The following SGCZ variants were observed in gnomAD, a reference collection of about 807,000 sequenced individuals.
SGCZ encodes zeta-sarcoglycan.
Under a neutral mutation model 41.3 loss-of-function variants are expected in SGCZ, and 40 were observed. The ratio of observed to expected loss-of-function variants is 0.97; its 90% CI spans 0.75 to 1.26. SGCZ has a LOEUF of 1.26. SGCZ is among the 50% of genes most tolerant of loss of function. The pLI, the probability that SGCZ is intolerant of heterozygous loss-of-function variation, is 0.00. For synonymous variants in SGCZ, 206 were observed against 137.5 expected (o/e 1.50, Z -3.49); for missense variants, 552 against 369.8 (o/e 1.49, Z -4.04).
intron 1 of SGCZ, among the ~76,000 whole-genome samples, chr8:14,605,816 C>A (rs1034578069): frequency 1.3e-5 from 2 of 152,062 alleles, no homozygotes; most frequent in African/African-American, 2.4e-5. Context: ...ATACTGGAAT[C>A]TTATGTAGCA....
intron 1 of SGCZ, among the ~76,000 whole-genome samples, chr8:15,149,676 T>G (rs268439): frequency 0.77 from 113,160 of 146,036 alleles, 43,766 homozygotes; most frequent in Middle Eastern, 0.85. Context: ...AGGAAAACAG[T>G]CACCTTTAAC....
chr8:14,673,131 A>G (rs1336476648), intron 1 of SGCZ, among the ~76,000 whole-genome samples: 4 of 152,146 alleles, frequency 2.6e-5, no homozygotes, highest in African/African-American at 9.7e-5. Flanking sequence ...CCATTATCCC[A>G]TCTATACAAC....
rs1425221512 is a variant in SGCZ at position 14,128,986 on chromosome 8, A to T, written c.548-20751T>A. Among the ~76,000 whole-genome samples, 5 of 152,246 alleles carry T rather than the reference A, an allele frequency of 3.3e-5. No individual in the cohort carries two copies. In the East Asian group the frequency reaches 9.7e-4, roughly 29 times the overall value. On this transcript the variant is annotated intron_variant, in intron 5 of 7. Transcript: ENST00000382080. Reference sequence around the variant, plus strand: ...ATCCTACCTATTTGGTACAGTGTACACTTTTTAGGTTATATGAGTACGCTA... The same window carrying T: ...ATCCTACCTATTTGGTACAGTGTACTCTTTTTAGGTTATATGAGTACGCTA...
At chr8:14,414,874 A>G (rs1446639907) in intron 2 of SGCZ, among the ~76,000 whole-genome samples, 1 of 152,004 alleles carries the variant, frequency 6.6e-6, no homozygotes, top group Non-Finnish European at 1.5e-5. Context: ...GGAAGTTTTA[A>G]TGTGAGTGGT....
chr8:14,885,328 G>C (rs1004401580), intron 1 of SGCZ, among the ~76,000 whole-genome samples: 1 of 152,258 alleles, frequency 6.6e-6, no homozygotes, highest in East Asian at 1.9e-4. Context: ...TACGGTTCTG[G>C]TTAGAGTAGT....
intron 1 of SGCZ, among the ~76,000 whole-genome samples, chr8:15,113,772 A>G (rs1807159997): frequency 6.6e-6 from 1 of 152,132 alleles, no homozygotes; most frequent in Non-Finnish European, 1.5e-5. Context: ...CAATCCTCCT[A>G]CAATCTTTTT....
At chr8:14,259,294 T>C (rs963984200) in intron 3 of SGCZ, among the ~76,000 whole-genome samples, 1 of 152,190 alleles carries the variant, frequency 6.6e-6, no homozygotes, top group Non-Finnish European at 1.5e-5. Context: ...AAAAACACTA[T>C]GCAGAAGCTC....
At chr8:15,224,565 G>A (rs1424545293) in intron 1 of SGCZ, among the ~76,000 whole-genome samples, 1 of 151,998 alleles carries the variant, frequency 6.6e-6, no homozygotes, top group Non-Finnish European at 1.5e-5. Flanking sequence ...GAACTAAAAT[G>A]CCAGAAATAA....
chr8:14,439,892 T>C (rs1018616169), intron 2 of SGCZ, among the ~76,000 whole-genome samples: 15 of 152,022 alleles, frequency 9.9e-5, no homozygotes, highest in Non-Finnish European at 1.8e-4. Context: ...CAGTTAACTA[T>C]TCTGTGTCCA....
chr8:15,088,169 C>G (rs1806019739), intron 1 of SGCZ, among the ~76,000 whole-genome samples: 1 of 152,064 alleles, frequency 6.6e-6, no homozygotes, highest in Non-Finnish European at 1.5e-5. Context: ...GGTGTTTGAT[C>G]ATATTATTGA....
At chr8:14,539,457 C>T (rs769512982) in intron 2 of SGCZ, among the ~76,000 whole-genome samples, 6 of 151,810 alleles carry the variant, frequency 4.0e-5, no homozygotes, top group Non-Finnish European at 8.8e-5. Context: ...TTCTGGGCAA[C>T]TTCCAAACAA....
rs143670179 is a variant in SGCZ at position 14,362,277 on chromosome 8, C to G, written c.235-38073G>C. 6.7e-3 allele frequency among the ~76,000 whole-genome samples: 1,026 copies of G among 152,292 alleles called. 27 individuals carry two copies. Among genetic ancestry groups the G allele is most frequent in the Admixed American group, 0.043 (650 of 15,294 alleles). On this transcript the variant is annotated intron_variant, in intron 2 of 7. Coordinates refer to ENST00000382080, the MANE Select transcript of SGCZ (RefSeq NM_139167.4). The stretch of plus-strand genomic sequence containing the variant: ...GCCTTTTGTTCAGATATGCCCTGCC[C>G]CCGGAGGTGGAATCTAGAGAGGCAG...
intron 2 of SGCZ, among the ~76,000 whole-genome samples, chr8:14,416,719 G>T (rs961871111): frequency 6.6e-6 from 1 of 151,812 alleles, no homozygotes. Context: ...GAAACGTGTG[G>T]CAGCAAATCT....
intron 2 of SGCZ, among the ~76,000 whole-genome samples, chr8:14,426,371 C>T (rs1213423997): frequency 6.6e-6 from 1 of 151,898 alleles, no homozygotes; most frequent in Non-Finnish European, 1.5e-5. Context: ...TTCCCCTCCC[C>T]CAATTTGGTT....
intron 1 of SGCZ, among the ~76,000 whole-genome samples, chr8:15,048,277 G>A (rs1425438246): frequency 1.3e-5 from 2 of 151,980 alleles, no homozygotes; most frequent in Non-Finnish European, 2.9e-5. Context: ...AGCTAGATAA[G>A]TGGATCCCAT....
intron 2 of SGCZ, among the ~76,000 whole-genome samples, chr8:14,470,571 G>A (rs942689079): frequency 3.3e-5 from 5 of 152,030 alleles, no homozygotes; most frequent in African/African-American, 1.2e-4. Context: ...AGAATTGCTT[G>A]AAAAAATCAT....
At chr8:14,509,857 G>A (rs1404929047) in intron 2 of SGCZ, among the ~76,000 whole-genome samples, 2 of 152,062 alleles carry the variant, frequency 1.3e-5, no homozygotes, top group African/African-American at 4.8e-5. Flanking sequence ...AAGTGGGGAA[G>A]AGCCCCTTAT....
chr8:14,447,767 T>G (rs563382866), intron 2 of SGCZ, among the ~76,000 whole-genome samples: 13 of 152,302 alleles, frequency 8.5e-5, no homozygotes, highest in Admixed American at 5.2e-4. Context: ...TCTGGCTTTA[T>G]CTCGGCAATG....
intron 1 of SGCZ, among the ~76,000 whole-genome samples, chr8:15,021,876 A>AT (rs769792116): frequency 6.6e-5 from 10 of 152,336 alleles, no homozygotes; most frequent in Non-Finnish European, 1.2e-4. Context: ...GCCCTTGCTA[A>AT]TTCTTAGAAT....
Sources: allele counts gnomAD v4.1 joint callset (sites outside exome capture counted in the v4.1 genomes callset), GRCh38; gene constraint gnomAD v4.1.1; transcripts MANE v1.5; gene names NCBI Gene and HGNC (gene_info 2026-07-23, HGNC 2026-07-21).